ERC2: variants seen among roughly 807,000 people sequenced by gnomAD.
ERC2 encodes ERC protein 2.
Under a neutral mutation model 114.8 loss-of-function variants are expected in ERC2, and 42 were observed. That is an observed-to-expected ratio of 0.37 (90% CI 0.29 to 0.47). The LOEUF is 0.47. Ranked by LOEUF, ERC2 falls within the 20% of genes least tolerant of loss-of-function variation. The pLI, the probability that ERC2 is intolerant of heterozygous loss-of-function variation, is 0.99. For missense variants in ERC2, 939 were observed against 1,150.7 expected, an observed-to-expected ratio of 0.82 and a Z score of 2.66; for synonymous variants, 454 against 425.5, an observed-to-expected ratio of 1.07 and a Z score of -0.82.
intron 7 of ERC2, chr3:56,072,118 T>C (rs111922741): frequency 1.1e-4 from 17 of 154,114 alleles, no homozygotes; most frequent in African/African-American, 4.1e-4. Context: ...GTGAGGGCAA[T>C]CTGGCTGCAA....
chr3:55,905,468 G>A (rs1323417907), intron 13 of ERC2, among the ~76,000 whole-genome samples: 2 of 99,232 alleles, frequency 2.0e-5, no homozygotes, highest in African/African-American at 7.8e-5. Flanking sequence ...CATCCCTCCC[G>A]CCCCCTCCCT....
At chr3:55,920,447 C>CACACA (rs59688935) in intron 13 of ERC2, among the ~76,000 whole-genome samples, 3 of 139,696 alleles carry the variant, frequency 2.1e-5, no homozygotes, top group Non-Finnish European at 4.6e-5. Flanking sequence ...CACACACACA[C>CACACA]CCCAAGTGAG....
chr3:55,588,165 A>AT (rs1341212274), intron 17 of ERC2, among the ~76,000 whole-genome samples: 2 of 152,032 alleles, frequency 1.3e-5, no homozygotes, highest in Non-Finnish European at 2.9e-5. Context: ...TCCTGGTTGG[A>AT]TTTCCCCAAG....
intron 3 of ERC2, among the ~76,000 whole-genome samples, chr3:56,249,782 T>A (rs1358638081): frequency 4.6e-5 from 7 of 152,054 alleles, no homozygotes; most frequent in Admixed American, 3.9e-4. Context: ...TCAATATGTA[T>A]TAACTAAGAT....
intron 8 of ERC2, among the ~76,000 whole-genome samples, chr3:56,016,406 T>C (rs2073309100): frequency 6.7e-6 from 1 of 149,992 alleles, no homozygotes; most frequent in Non-Finnish European, 1.5e-5. Context: ...CATGGGTCTT[T>C]TTGTAGCTTC....
chr3:56,197,892 T>A (rs1575786409), intron 3 of ERC2, among the ~76,000 whole-genome samples: 1 of 152,362 alleles, frequency 6.6e-6, no homozygotes, highest in East Asian at 1.9e-4. Context: ...GATGACATAC[T>A]CTAGTTTTGA....
intron 11 of ERC2, among the ~76,000 whole-genome samples, chr3:55,988,024 C>T (rs1382231060): frequency 1.3e-5 from 2 of 152,174 alleles, no homozygotes; most frequent in African/African-American, 4.8e-5. Context: ...TTCCCATGGG[C>T]GGGATGTGAG....
chr3:56,332,296 A>T (rs1390197365), intron 2 of ERC2, among the ~76,000 whole-genome samples: 1 of 152,238 alleles, frequency 6.6e-6, no homozygotes, highest in Non-Finnish European at 1.5e-5. Context: ...ATCCAAGCTC[A>T]TACAATCTCA....
chr3:56,383,770 C>T (rs1021792241), intron 2 of ERC2, among the ~76,000 whole-genome samples: 1 of 152,156 alleles, frequency 6.6e-6, no homozygotes, highest in Non-Finnish European at 1.5e-5. Flanking sequence ...ATGACACAAT[C>T]ATCACCACCA....
intron 13 of ERC2, among the ~76,000 whole-genome samples, chr3:55,910,805 T>G (rs1230814716): frequency 6.6e-6 from 1 of 152,226 alleles, no homozygotes; most frequent in African/African-American, 2.4e-5. Flanking sequence ...AGCTGGGATT[T>G]GAACCCAGGC....
chr3:56,283,594 T>G (rs1016676757), intron 3 of ERC2, among the ~76,000 whole-genome samples: 1 of 152,220 alleles, frequency 6.6e-6, no homozygotes, highest in African/African-American at 2.4e-5. Context: ...CACCTTGCAA[T>G]GTATTCTATT....
At chr3:56,249,333 C>CT (rs35736169) in intron 3 of ERC2, among the ~76,000 whole-genome samples, 39,500 of 149,844 alleles carry the variant, frequency 0.26, 5,415 homozygotes, top group Non-Finnish European at 0.3. Context: ...ATTAATTCAC[C>CT]TTTTTTTTTT....
At chr3:55,938,854 G>C (rs936642654) in intron 13 of ERC2, among the ~76,000 whole-genome samples, 15 of 151,898 alleles carry the variant, frequency 9.9e-5, no homozygotes, top group South Asian at 6.2e-4. Flanking sequence ...TTGCATCCAA[G>C]TTACAATTAA....
Position 55,660,203 on chromosome 3 carries a change from G to A in ERC2, c.*39+23591C>T, listed in dbSNP as rs1387086369. ...TCACAATTTCTGTACATGCAACTGAGAGCAAATTGGCACATCAACCCGCAC... is the reference window on the plus strand; with the variant it reads ...TCACAATTTCTGTACATGCAACTGAAAGCAAATTGGCACATCAACCCGCAC... On this transcript the variant is annotated intron_variant, in intron 17 of 17. Coordinates refer to ENST00000288221, the MANE Select transcript of ERC2 (RefSeq NM_015576.3). Among the ~76,000 whole-genome samples the A allele has an allele frequency of 5.9e-5, 9 of 152,292 alleles. No individual in the cohort carries two copies. The East Asian group carries it at 1.5e-3, about 26-fold the overall frequency.
At chr3:55,553,075 G>A (rs906505458) in intron 17 of ERC2, among the ~76,000 whole-genome samples, 1 of 118,114 alleles carries the variant, frequency 8.5e-6, no homozygotes, top group Non-Finnish European at 1.6e-5. Context: ...AGGCTGGAGT[G>A]CAGTGGTGCA....
At chr3:56,357,198 C>A (rs2058777052) in intron 2 of ERC2, among the ~76,000 whole-genome samples, 1 of 152,220 alleles carries the variant, frequency 6.6e-6, no homozygotes, top group Non-Finnish European at 1.5e-5. Flanking sequence ...AGCCCCTTAG[C>A]AGTTCTCCTC....
intron 7 of ERC2, among the ~76,000 whole-genome samples, chr3:56,034,866 G>A (rs943157692): frequency 1.3e-5 from 2 of 151,494 alleles, no homozygotes; most frequent in African/African-American, 4.8e-5. Flanking sequence ...CCTATATTAA[G>A]GAAAAAGAAA....
chr3:56,388,545 A>G (rs948715946), intron 2 of ERC2, among the ~76,000 whole-genome samples: 4 of 152,192 alleles, frequency 2.6e-5, no homozygotes, highest in Non-Finnish European at 4.4e-5. Flanking sequence ...GTTTCTTTAC[A>G]GCAATGCAGA....
chr3:56,235,137 T>TC (rs755040915), intron 3 of ERC2, among the ~76,000 whole-genome samples: 5 of 152,082 alleles, frequency 3.3e-5, no homozygotes, highest in Non-Finnish European at 7.4e-5. Context: ...GTACAACCTC[T>TC]CCCCCTACCC....
Sources: allele counts gnomAD v4.1 joint callset (sites outside exome capture counted in the v4.1 genomes callset), GRCh38; gene constraint gnomAD v4.1.1; transcripts MANE v1.5; gene names NCBI Gene and HGNC (gene_info 2026-07-23, HGNC 2026-07-21).